FTCDNL1: variants seen among roughly 807,000 people sequenced by gnomAD.
FTCDNL1 encodes formiminotransferase cyclodeaminase N-terminal like.
Under a neutral mutation model 5.9 loss-of-function variants are expected in FTCDNL1, and 11 were observed. The observed-to-expected ratio is 1.87, with a 90% CI of 1.18 to 3.10. The LOEUF (loss-of-function observed/expected upper bound fraction) is 3.10, where lower values mean the gene tolerates loss of function less well. Among genes scored for constraint, FTCDNL1 ranks in the 30% most tolerant of loss-of-function variants. The pLI, the probability that FTCDNL1 is intolerant of heterozygous loss-of-function variation, is 0.00. For synonymous variants in FTCDNL1, 58 were observed against 24.8 expected (o/e 2.34, Z -3.99); for missense variants, 115 against 65.5 (o/e 1.76, Z -2.61).
At position 199,811,330 on chromosome 2, in the gene FTCDNL1, C is replaced by T. The variant is rs1363712000; in HGVS notation, c.*1375G>A. ...CCAAACATTTTTCTCTCATTTACCC[C>T]CCAATAAGTCATGTTACAAATAGCC... On this transcript the variant is annotated 3_prime_UTR_variant, in exon 5 of 5. Coordinates refer to ENST00000420128, the MANE Select transcript of FTCDNL1 (RefSeq NM_001363886.2). Among the ~76,000 whole-genome samples the T allele has an allele frequency of 6.6e-6, 1 of 152,150 alleles. No homozygotes were observed. The highest frequency in any genetic ancestry group is 1.5e-5 in the Non-Finnish European group (1 of 68,034).
the FTCDNL1 span, among the ~76,000 whole-genome samples, chr2:199,676,571 T>C: frequency 4.6e-5 from 7 of 151,862 alleles, no homozygotes; most frequent in East Asian, 1.2e-3. Context: ...CCTATATTAA[T>C]ATATTATATA....
the FTCDNL1 span, among the ~76,000 whole-genome samples, chr2:199,748,044 C>A: frequency 6.6e-6 from 1 of 152,040 alleles, no homozygotes; most frequent in Admixed American, 6.5e-5. Context: ...CAATCTTTAA[C>A]CTGCAAAAGA....
At position 199,851,082 on chromosome 2, in the gene FTCDNL1, C is replaced by A. The variant is rs1399726086; in HGVS notation, c.-350G>T. The A allele has an allele frequency of 2.7e-5, 4 of 146,066 alleles. No individual in the cohort carries two copies. Among genetic ancestry groups the A allele is most frequent in the Non-Finnish European group, 4.6e-5 (3 of 64,874 alleles). The allele number at this position is 146,066 out of a possible 1,614,324, so 9.0% of individuals were successfully genotyped here. A position where few individuals can be genotyped will look rare whatever the true frequency, so the allele number is the denominator to read the frequency against. ...GGGAGGGGAGCGGACCTGCGAGCGC[C>A]GAAGGGCGGTGGGGCAGGGCGACCG... On this transcript the variant is annotated 5_prime_UTR_variant, in exon 1 of 5. Transcript: ENST00000420128.
chr2:199,794,328 T>C (rs1700074393), intron 3 of FTCDNL1, among the ~76,000 whole-genome samples: 1 of 152,216 alleles, frequency 6.6e-6, no homozygotes, highest in South Asian at 2.1e-4. Flanking sequence ...AAAAGCACTG[T>C]GGCCAAAGCA....
At chr2:199,841,076 G>A (rs1331384436) in intron 3 of FTCDNL1, among the ~76,000 whole-genome samples, 1 of 151,958 alleles carries the variant, frequency 6.6e-6, no homozygotes, top group Non-Finnish European at 1.5e-5. Context: ...GTTTGAACTA[G>A]AGAGGCAGAG....
the FTCDNL1 span, among the ~76,000 whole-genome samples, chr2:199,739,103 A>C: frequency 1.2e-3 from 184 of 152,344 alleles, 1 homozygote; most frequent in African/African-American, 4.3e-3. Flanking sequence ...AAATAATGTT[A>C]AATGTTTCCT....
the FTCDNL1 span, among the ~76,000 whole-genome samples, chr2:199,727,788 G>T: frequency 6.6e-6 from 1 of 152,052 alleles, no homozygotes. Context: ...CTCTTAAAGG[G>T]CTTTTACATA....
chr2:199,698,850 T>A, the FTCDNL1 span, among the ~76,000 whole-genome samples: 2 of 151,884 alleles, frequency 1.3e-5, no homozygotes, highest in Non-Finnish European at 2.9e-5. Context: ...TTTGAAAGAA[T>A]AAATGAGATT....
At chr2:199,849,024 T>C in intron 1 of FTCDNL1, 55 bp from the exon 2 acceptor site, 1 of 668,110 alleles carries the variant, frequency 1.5e-6, no homozygotes, top group Non-Finnish European at 2.7e-6. Flanking sequence ...TATTTTCATG[T>C]TTTAACTATA....
chr2:199,777,148 C>T (rs1402982697), intron 3 of FTCDNL1, among the ~76,000 whole-genome samples: 13 of 151,978 alleles, frequency 8.6e-5, no homozygotes, highest in East Asian at 1.9e-4. Context: ...CAAAAATTAG[C>T]CAGGTGCAGT....
chr2:199,710,170 T>G, the FTCDNL1 span, among the ~76,000 whole-genome samples: 32 of 152,278 alleles, frequency 2.1e-4, no homozygotes, highest in African/African-American at 7.2e-4. Flanking sequence ...AGAAGTGTCT[T>G]TTTCACAATC....
Position 199,778,778 on chromosome 2 carries a change from C to T in FTCDNL1, c.212-17943G>A, listed in dbSNP as rs148058229. 8.5e-3 allele frequency among the ~76,000 whole-genome samples: 1,287 copies of T among 152,302 alleles called. 5 individuals carry two copies. Among genetic ancestry groups the T allele is most frequent in the Middle Eastern group, 0.034 (10 of 294 alleles). ...CTCAGGATATTTTTTCCCTTTGTGG[C>T]TGAAAATAAACATGTTCATTGCTTT... On this transcript the variant is annotated intron_variant, in intron 3 of 3. Transcript: ENST00000416668.
the FTCDNL1 span, among the ~76,000 whole-genome samples, chr2:199,674,005 A>G: frequency 6.6e-6 from 1 of 152,108 alleles, no homozygotes. Context: ...TGTATCTGCT[A>G]TTTTCAAGAT....
chr2:199,676,043 C>CA, the FTCDNL1 span, among the ~76,000 whole-genome samples: 1 of 152,216 alleles, frequency 6.6e-6, no homozygotes, highest in Non-Finnish European at 1.5e-5. Flanking sequence ...TGAGCCACCA[C>CA]AAGTGGCTTC....
chr2:199,754,566 T>C, the FTCDNL1 span, among the ~76,000 whole-genome samples: 1 of 152,130 alleles, frequency 6.6e-6, no homozygotes, highest in East Asian at 1.9e-4. Context: ...TTCCATCTTA[T>C]TTAAGTCGTT....
intron 3 of FTCDNL1, among the ~76,000 whole-genome samples, chr2:199,767,677 A>G (rs1037161507): frequency 2.0e-5 from 3 of 152,148 alleles, no homozygotes; most frequent in Admixed American, 2.0e-4. Context: ...TCTCTCTTCT[A>G]CCACGTGAGA....
chr2:199,770,414 C>T (rs970825388), intron 3 of FTCDNL1, among the ~76,000 whole-genome samples: 2 of 152,204 alleles, frequency 1.3e-5, no homozygotes, highest in African/African-American at 4.8e-5. Context: ...AGTGGCACAT[C>T]TGGGGCTCAA....
chr2:199,805,288 A>G (rs1331440975), downstream of FTCDNL1, among the ~76,000 whole-genome samples: 1 of 152,188 alleles, frequency 6.6e-6, no homozygotes, highest in Admixed American at 6.5e-5. Context: ...TGTGGTTTGC[A>G]GAGTCCCAGG....
the FTCDNL1 span, among the ~76,000 whole-genome samples, chr2:199,725,485 G>T: frequency 6.6e-6 from 1 of 152,072 alleles, no homozygotes; most frequent in Non-Finnish European, 1.5e-5. Flanking sequence ...TAGGGTTATT[G>T]GTCTGTGTAC....
Sources: allele counts gnomAD v4.1 joint callset (sites outside exome capture counted in the v4.1 genomes callset), GRCh38; gene constraint gnomAD v4.1.1; transcripts MANE v1.5; gene names NCBI Gene and HGNC (gene_info 2026-07-23, HGNC 2026-07-21).